CHLSN: variants seen among roughly 807,000 people sequenced by gnomAD.
CHLSN encodes protein cholesin.
chr7:1,083,954 G>C, the CHLSN span, among the ~76,000 whole-genome samples: 1 of 152,242 alleles, frequency 6.6e-6, no homozygotes, highest in Non-Finnish European at 1.5e-5. Flanking sequence ...AGGAACAAGA[G>C]AGACGAAGTC....
the CHLSN span, chr7:983,527 C>A: frequency 1.2e-6 from 1 of 803,098 alleles, no homozygotes; most frequent in Non-Finnish European, 1.8e-6. Context: ...GGCCGGAGGG[C>A]CCACCCTGCT....
At chr7:1,120,984 TACTC>T in the CHLSN span, among the ~76,000 whole-genome samples, 3 of 150,774 alleles carry the variant, frequency 2.0e-5, no homozygotes, top group African/African-American at 7.3e-5. Context: ...CATAAACTAT[TACTC>T]AGCCCCAAAA....
chr7:1,028,088 G>A, the CHLSN span, among the ~76,000 whole-genome samples: 1 of 151,634 alleles, frequency 6.6e-6, no homozygotes, highest in Non-Finnish European at 1.5e-5. Context: ...CCCGAGAAGC[G>A]CGGCTCGGCC....
chr7:1,112,971 C>A, the CHLSN span, among the ~76,000 whole-genome samples: 1 of 152,140 alleles, frequency 6.6e-6, no homozygotes, highest in Admixed American at 6.5e-5. Context: ...TCCAAATGTT[C>A]TTTGCACCGT....
chr7:1,028,824 TCTC>T, the CHLSN span: 1 of 446,318 alleles, frequency 2.2e-6, no homozygotes. Context: ...ATGGCCCCCA[TCTC>T]CTCCAGTCTA....
At chr7:985,017 CCT>C in the CHLSN span, 47 of 1,611,866 alleles carry the variant, frequency 2.9e-5, no homozygotes, top group East Asian at 1.0e-3. Flanking sequence ...CCCTGCACAG[CCT>C]GGGCGTGGGC....
the CHLSN span, among the ~76,000 whole-genome samples, chr7:1,030,744 C>G: frequency 6.7e-6 from 1 of 150,298 alleles, no homozygotes; most frequent in South Asian, 2.1e-4. Context: ...GGGACTCTCT[C>G]TCTCTCCCGG....
chr7:1,044,328 C>T, the CHLSN span, among the ~76,000 whole-genome samples: 3 of 152,274 alleles, frequency 2.0e-5, no homozygotes, highest in Admixed American at 2.0e-4. Flanking sequence ...GGTGTGTGTC[C>T]TCCCACAGGG....
the CHLSN span, among the ~76,000 whole-genome samples, chr7:1,104,946 GTTCAC>G: frequency 6.6e-6 from 1 of 152,180 alleles, no homozygotes; most frequent in African/African-American, 2.4e-5. Flanking sequence ...TGTGATGTTA[GTTCAC>G]TTAACTGAGA....
chr7:1,020,155 C>A, the CHLSN span, among the ~76,000 whole-genome samples: 1 of 151,952 alleles, frequency 6.6e-6, no homozygotes, highest in East Asian at 1.9e-4. Context: ...ATGCGGCAGG[C>A]CCCGCGTGCG....
At chr7:1,121,436 G>A in the CHLSN span, among the ~76,000 whole-genome samples, 3 of 152,202 alleles carry the variant, frequency 2.0e-5, no homozygotes, top group African/African-American at 7.2e-5. Context: ...AATACCATTG[G>A]TCTTAAGTAT....
the CHLSN span, among the ~76,000 whole-genome samples, chr7:1,035,574 A>G: frequency 6.6e-6 from 1 of 152,240 alleles, no homozygotes; most frequent in Non-Finnish European, 1.5e-5. Context: ...GGGAGCGCCC[A>G]TGAAAATAGC....
chr7:1,092,943 T>A, the CHLSN span: 1 of 1,275,590 alleles, frequency 7.8e-7, no homozygotes, highest in Non-Finnish European at 1.1e-6. Flanking sequence ...ACGTCATGTC[T>A]CTAAACTGCG....
the CHLSN span, chr7:1,093,613 C>T: frequency 1.2e-4 from 56 of 471,200 alleles, no homozygotes; most frequent in Non-Finnish European, 2.1e-4. Context: ...GGACTGGGAC[C>T]GTGCGAGCTG....
At chr7:1,079,211 A>G in the CHLSN span, among the ~76,000 whole-genome samples, 155 of 152,320 alleles carry the variant, frequency 1.0e-3, no homozygotes, top group African/African-American at 3.5e-3. Flanking sequence ...CGAAGCTGAC[A>G]TCCGCAGGCC....
chr7:1,099,093 G>A, the CHLSN span, among the ~76,000 whole-genome samples: 2,806 of 141,422 alleles, frequency 0.02, 106 homozygotes, highest in African/African-American at 0.068. Flanking sequence ...TCTTGCAGCG[G>A]CCTCCCCTTC....
the CHLSN span, among the ~76,000 whole-genome samples, chr7:1,104,999 G>A: frequency 6.6e-6 from 1 of 152,248 alleles, no homozygotes; most frequent in Non-Finnish European, 1.5e-5. Flanking sequence ...CAGTCAGGAA[G>A]TGGAGATAAT....
the CHLSN span, chr7:986,796 A>C: frequency 1.3e-6 from 2 of 1,555,748 alleles, no homozygotes; most frequent in South Asian, 1.2e-5. Context: ...CAGCAGGGAC[A>C]GGTGTGTCGG....
At chr7:1,136,189 A>T in the CHLSN span, among the ~76,000 whole-genome samples, 8 of 112,064 alleles carry the variant, frequency 7.1e-5, no homozygotes, top group African/African-American at 2.4e-4. Flanking sequence ...CATAATTATA[A>T]ATATATACAC....
Sources: gnomAD v4.1 joint callset for allele counts (sites outside exome capture counted in the v4.1 genomes callset) on GRCh38, gnomAD v4.1.1 for gene constraint, MANE v1.5 for transcripts, NCBI Gene and HGNC (gene_info 2026-07-23, HGNC 2026-07-21) for gene names.